Variants in ADGRD2 observed in about 807,000 individuals in gnomAD.
ADGRD2 encodes adhesion G protein-coupled receptor D2, also known as G protein-coupled receptor PGR24.
A neutral mutation model predicts 44.4 loss-of-function variants in ADGRD2; 71 were observed. That is an observed-to-expected ratio of 1.60 (90% CI 1.32 to 1.95). The LOEUF (loss-of-function observed/expected upper bound fraction) is 1.95, where lower values mean the gene tolerates loss of function less well. Among genes scored for constraint, ADGRD2 ranks in the 30% most tolerant of loss-of-function variants. The pLI is 0.00. For synonymous variants in ADGRD2, 481 were observed against 224.8 expected, an observed-to-expected ratio of 2.14 and a Z score of -10.19; for missense variants, 1,039 against 512.4, an observed-to-expected ratio of 2.03 and a Z score of -9.92.
At chr9:124,461,398 A>G (rs187088607) in intron 10 of ADGRD2, among the ~76,000 whole-genome samples, 17 of 152,370 alleles carry the variant, frequency 1.1e-4, no homozygotes, top group African/African-American at 3.8e-4. Flanking sequence ...TTCTCAAAGA[A>G]GTTTATCACT....
At chr9:124,475,665 A>G (rs1832035410) in intron 19 of ADGRD2, 50 bp downstream of exon 22, 1 of 611,348 alleles carries the variant, frequency 1.6e-6, no homozygotes, top group East Asian at 2.9e-5. Context: ...CCCCAGAGCC[A>G]GGTCCCAGCC....
intron 17 of ADGRD2, among the ~76,000 whole-genome samples, chr9:124,471,897 A>G (rs1831951666): frequency 1.3e-5 from 2 of 152,212 alleles, no homozygotes; most frequent in Admixed American, 1.3e-4. Flanking sequence ...GGGACGAGGC[A>G]GGAAGCCCTC....
intron 7 of ADGRD2, among the ~76,000 whole-genome samples, 200 bp from the exon 11 acceptor site, chr9:124,457,272 C>T (rs1198756072): frequency 6.6e-6 from 1 of 152,234 alleles, no homozygotes; most frequent in Non-Finnish European, 1.5e-5. Flanking sequence ...GCGGTGACCG[C>T]CCCTCCTTCT....
intron 10 of ADGRD2, among the ~76,000 whole-genome samples, chr9:124,461,747 T>C (rs577688497): frequency 7.2e-5 from 11 of 152,192 alleles, no homozygotes; most frequent in African/African-American, 2.6e-4. Context: ...TTAATTTGTT[T>C]TTTGTTTTTT....
intron 1 of ADGRD2, 119 bp from the exon 5 acceptor site, chr9:124,452,391 C>T (rs900457778): frequency 4.2e-5 from 29 of 684,834 alleles, no homozygotes; most frequent in African/African-American, 2.6e-4. Flanking sequence ...TAGACATGGG[C>T]GGGTTCAGCC....
At chr9:124,472,420 T>G (rs1831961649) in intron 17 of ADGRD2, among the ~76,000 whole-genome samples, 1 of 152,202 alleles carries the variant, frequency 6.6e-6, no homozygotes, top group African/African-American at 2.4e-5. Flanking sequence ...TCAGTCTCTC[T>G]GACACTGGTT....
chr9:124,459,476 A>G (rs1831685147), intron 10 of ADGRD2, among the ~76,000 whole-genome samples: 2 of 152,054 alleles, frequency 1.3e-5, no homozygotes, highest in African/African-American at 2.4e-5. Context: ...CCTGGGTGAC[A>G]GAACAAGACT....
chr9:124,470,750 C>A, intron 17 of ADGRD2, 136 bp downstream of exon 20: 1 of 590,592 alleles, frequency 1.7e-6, no homozygotes, highest in South Asian at 2.1e-5. Context: ...GACATCCTAT[C>A]TAAGAAGGGG....
chr9:124,466,305 C>T, exon 11 of ADGRD2: 1 of 715,330 alleles, frequency 1.4e-6, no homozygotes, highest in Non-Finnish European at 2.6e-6. Flanking sequence ...CAGGGGGTGC[C>T]TGGGCCACCA....
At chr9:124,471,810 G>A (rs1001493138) in intron 17 of ADGRD2, among the ~76,000 whole-genome samples, 7 of 152,234 alleles carry the variant, frequency 4.6e-5, no homozygotes, top group Non-Finnish European at 7.3e-5. Context: ...GCAGCAAAAA[G>A]CCCCTGTATT....
intron 1 of ADGRD2, 138 bp downstream of exon 4, chr9:124,452,292 C>A (rs879695037): frequency 4.7e-6 from 3 of 633,866 alleles, no homozygotes; most frequent in Non-Finnish European, 8.7e-6. Context: ...CCAGGCCCTG[C>A]GAGGAACGCT....
At position 124,459,513 on chromosome 9, in the gene ADGRD2, G is replaced by T. The variant is rs544099400; in HGVS notation, c.1870+792G>T. ...TGTCTCAAAAAAAAAAAAAAGTTTT[G>T]TAGATATATATGGTCAGCCCTCCAT... On this transcript the variant is annotated intron_variant, in intron 10 of 21. Transcript: ENST00000334810. Among the ~76,000 whole-genome samples the T allele has an allele frequency of 2.0e-5, 3 of 151,796 alleles. No homozygotes were observed. The South Asian group carries it at 6.3e-4, about 32-fold the overall frequency.
At chr9:124,460,482 T>G (rs1831708566) in intron 10 of ADGRD2, among the ~76,000 whole-genome samples, 1 of 151,144 alleles carries the variant, frequency 6.6e-6, no homozygotes, top group Non-Finnish European at 1.5e-5. Context: ...CCTCCCAAAG[T>G]GCTGGGATTA....
Position 124,453,959 on chromosome 9 carries a change from G to T in ADGRD2, c.924-40G>T, listed in dbSNP as rs1459153410. The T allele has an allele frequency of 1.1e-5, 7 of 624,944 alleles. No homozygotes were observed. The African/African-American group carries it at 1.3e-4, about 12-fold the overall frequency. 38.7% of individuals were successfully genotyped at this position (624,944 alleles called of 1,614,324 possible). ...GGGCCGTGCGTCCTGGCTCGCCAGG[G>T]TCCCCTAGGGAGCCCTGACAGCTCC... On this transcript the variant is annotated intron_variant, in intron 3 of 21. Transcript: ENST00000334810.
At chr9:124,451,342 A>C (rs1266303551), upstream of ADGRD2, 1 of 407,444 alleles carries the variant, frequency 2.5e-6, no homozygotes, top group African/African-American at 2.0e-5. Flanking sequence ...CTGGCCAGCG[A>C]CTGCTGCTGC....
intron 10 of ADGRD2, among the ~76,000 whole-genome samples, chr9:124,463,451 C>G (rs1243179949): frequency 6.6e-6 from 1 of 152,164 alleles, no homozygotes; most frequent in Non-Finnish European, 1.5e-5. Flanking sequence ...TTCTTGTACT[C>G]TCTTCCTCTG....
exon 16 of ADGRD2, chr9:124,469,543 A>T (rs1459254423): frequency 5.6e-6 from 4 of 717,932 alleles, no homozygotes; most frequent in East Asian, 2.7e-5. Context: ...CTGGACCCAG[A>T]TATGGTGAGG....
chr9:124,455,256 G>C (rs1035706351), intron 6 of ADGRD2, 129 bp downstream of exon 9: 1 of 573,250 alleles, frequency 1.7e-6, no homozygotes, highest in African/African-American at 1.9e-5. Flanking sequence ...ATCCTGAAAA[G>C]CTTCTCTTTT....
intron 6 of ADGRD2, 37 bp downstream of exon 9, chr9:124,455,164 G>A (rs1389346618): frequency 3.1e-6 from 2 of 653,212 alleles, no homozygotes; most frequent in Non-Finnish European, 5.7e-6. Context: ...AGGGGCCTGG[G>A]CTATGGTTCC....
Sources: allele counts gnomAD v4.1 joint callset (sites outside exome capture counted in the v4.1 genomes callset), GRCh38; gene constraint gnomAD v4.1.1; transcripts MANE v1.5; gene names NCBI Gene and HGNC (gene_info 2026-07-23, HGNC 2026-07-21).